ACOT7: variants seen among roughly 807,000 people sequenced by gnomAD.
The protein encoded by ACOT7 is acyl-CoA thioesterase 7.
A neutral mutation model predicts 40.2 loss-of-function variants in ACOT7; 12 were observed. The observed-to-expected ratio is 0.30, with a 90% confidence interval of 0.19 to 0.48. ACOT7 has a LOEUF of 0.48. ACOT7 is among the 20% of genes least tolerant of loss of function. The pLI is 0.99. For missense variants in ACOT7, 395 were observed against 530.8 expected, an observed-to-expected ratio of 0.74 and a Z score of 2.51; for synonymous variants, 228 against 219.5, an observed-to-expected ratio of 1.04 and a Z score of -0.34.
intron 1 of ACOT7, among the ~76,000 whole-genome samples, chr1:6,377,811 C>T (rs1476286541): frequency 2.0e-5 from 3 of 152,282 alleles, no homozygotes; most frequent in East Asian, 1.9e-4. Context: ...TGGCTCACGC[C>T]TGTAATCCCA....
At chr1:6,341,341 C>G (rs1007356483) in intron 2 of ACOT7, among the ~76,000 whole-genome samples, 23 of 151,998 alleles carry the variant, frequency 1.5e-4, no homozygotes, top group Non-Finnish European at 5.9e-5. Context: ...GGGGTTTTAC[C>G]ATGTTGGCCT....
At chr1:6,336,534 C>T (rs1281364255) in intron 3 of ACOT7, among the ~76,000 whole-genome samples, 3 of 152,142 alleles carry the variant, frequency 2.0e-5, no homozygotes, top group Non-Finnish European at 4.4e-5. Context: ...ACAGGCAGCA[C>T]AGCCCAGGTA....
At chr1:6,329,831 C>T (rs1640906761) in intron 4 of ACOT7, among the ~76,000 whole-genome samples, 1 of 152,210 alleles carries the variant, frequency 6.6e-6, no homozygotes, top group South Asian at 2.1e-4. Context: ...AAAGCATCCA[C>T]CCCCGACAGC....
chr1:6,393,013 G>A (rs1642559290), intron 1 of ACOT7, among the ~76,000 whole-genome samples: 1 of 151,938 alleles, frequency 6.6e-6, no homozygotes, highest in African/African-American at 2.4e-5. Context: ...TGGCGCGGCC[G>A]CCGCCCTGGA....
chr1:6,331,874 A>C (rs1350517480), intron 4 of ACOT7, among the ~76,000 whole-genome samples: 2 of 152,200 alleles, frequency 1.3e-5, no homozygotes, highest in African/African-American at 4.8e-5. Context: ...CTGGTCAGAC[A>C]CGGAGCTGGG....
In ACOT7 at chr1:6,393,243, G is replaced by C. The variant is rs373573341; in HGVS notation, c.143+14C>G. 7.8e-7 allele frequency: 1 copy of C among 1,275,888 alleles called. No individual in the cohort carries two copies. The highest frequency in any genetic ancestry group is 9.9e-7 in the Non-Finnish European group (1 of 1,010,234). The allele number at this position is 1,275,888 out of a possible 1,614,324, so 79.0% of individuals were successfully genotyped here. A position where few individuals can be genotyped will look rare whatever the true frequency, so the allele number is the denominator to read the frequency against. ...CGCCTGGCCGCTGCAGGCTGCGCGC[G>C]GGCCCTCTCTTACCGGCAGATCTGG... On this transcript the variant is annotated intron_variant, in intron 1 of 8. Transcript: ENST00000361521.
Position 6,347,585 on chromosome 1 carries a change from T to C in ACOT7, c.261+2164A>G, listed in dbSNP as rs144098128. Among the ~76,000 whole-genome samples, 358 of 152,224 alleles carry C rather than the reference T, an allele frequency of 2.4e-3. 10 individuals carry two copies. The East Asian group carries it at 0.054, about 23-fold the overall frequency. ...TTCGAGATCAGCCTGGCCAACACGG[T>C]GAAACCCCATCTCTACTAAAAATAC... On this transcript the variant is annotated intron_variant, in intron 2 of 8. Coordinates refer to ENST00000361521, the MANE Select transcript of ACOT7 (RefSeq NM_007274.4).
chr1:6,323,962 C>A (rs955304817), intron 5 of ACOT7, among the ~76,000 whole-genome samples: 1 of 151,780 alleles, frequency 6.6e-6, no homozygotes, highest in Admixed American at 6.6e-5. Context: ...ATGGCCTCTC[C>A]AGGGCAGAGA....
chr1:6,320,912 C>T (rs1640626215), intron 5 of ACOT7, among the ~76,000 whole-genome samples: 1 of 152,226 alleles, frequency 6.6e-6, no homozygotes, highest in Non-Finnish European at 1.5e-5. Context: ...TTCCTGCAGC[C>T]AATGAACTAA....
intron 1 of ACOT7, among the ~76,000 whole-genome samples, chr1:6,362,291 C>T (rs1170310005): frequency 6.6e-6 from 1 of 152,074 alleles, no homozygotes; most frequent in East Asian, 1.9e-4. Context: ...ATTAGCCGGG[C>T]ATGGTGGTGG....
At chr1:6,333,061 G>A (rs77561556) in intron 4 of ACOT7, among the ~76,000 whole-genome samples, 22,847 of 152,160 alleles carry the variant, frequency 0.15, 1,767 homozygotes, top group African/African-American at 0.19. Context: ...CCGCAGCCTG[G>A]TGGTCCTGGC....
At chr1:6,386,260 A>T (rs983192326) in intron 1 of ACOT7, among the ~76,000 whole-genome samples, 1 of 151,976 alleles carries the variant, frequency 6.6e-6, no homozygotes, top group Non-Finnish European at 1.5e-5. Flanking sequence ...TCCTGGGCCT[A>T]CCCCTCCCTG....
In ACOT7 at chr1:6,330,645, C is replaced by A. The variant is rs959177129; in HGVS notation, c.510+2832G>T. ...GGGAGGGAGGGAGCTAATTACTGGG[C>A]AAGGAGAGGCGAGGCTAACAGGGGC... On this transcript the variant is annotated intron_variant, in intron 4 of 8. Coordinates refer to ENST00000361521, the MANE Select transcript of ACOT7 (RefSeq NM_007274.4). The surrounding 1 kb of genome is among the most constrained non-coding windows in gnomAD (Gnocchi z 4.6). Among the ~76,000 whole-genome samples, 1 of 152,144 alleles carries A rather than the reference C, an allele frequency of 6.6e-6. No individual in the cohort carries two copies. The highest frequency in any genetic ancestry group is 1.5e-5 in the Non-Finnish European group (1 of 68,034).
intron 3 of ACOT7, among the ~76,000 whole-genome samples, chr1:6,334,237 A>T (rs2148439068): frequency 6.6e-6 from 1 of 152,324 alleles, no homozygotes; most frequent in Admixed American, 6.5e-5. Context: ...CTGACATCGA[A>T]CGTCAAAATC....
intron 1 of ACOT7, among the ~76,000 whole-genome samples, chr1:6,381,295 G>T (rs1283770427): frequency 6.6e-6 from 1 of 150,854 alleles, no homozygotes; most frequent in Non-Finnish European, 1.5e-5. Context: ...TCAAGTATAT[G>T]AATAAATATA....
At chr1:6,375,937 CAAA>C (rs112245593) in intron 1 of ACOT7, among the ~76,000 whole-genome samples, 10 of 127,354 alleles carry the variant, frequency 7.9e-5, no homozygotes, top group Admixed American at 8.4e-5. Context: ...GACTCCACCT[CAAA>C]AAAAAAAAAA....
At chr1:6,361,551 C>A (rs777373027) in intron 1 of ACOT7, among the ~76,000 whole-genome samples, 3 of 152,204 alleles carry the variant, frequency 2.0e-5, no homozygotes, top group Non-Finnish European at 4.4e-5. Flanking sequence ...GTAATCCCAG[C>A]CCCTTGGGAG....
chr1:6,319,729 C>T (rs1640591655), intron 5 of ACOT7, among the ~76,000 whole-genome samples: 2 of 152,258 alleles, frequency 1.3e-5, no homozygotes, highest in Admixed American at 1.3e-4. Flanking sequence ...ACAGTGTTCA[C>T]TTCCAAGCCT....
intron 8 of ACOT7, among the ~76,000 whole-genome samples, chr1:6,272,931 C>G (rs1043383390): frequency 1.1e-4 from 16 of 152,362 alleles, no homozygotes; most frequent in African/African-American, 2.6e-4. Context: ...AGTGCTCACT[C>G]TGTCCGTGTC....
Sources: gnomAD v4.1 joint callset for allele counts (sites outside exome capture counted in the v4.1 genomes callset) on GRCh38, gnomAD v4.1.1 for gene constraint, Gnocchi (gnomAD v3.1) non-coding constraint, MANE v1.5 for transcripts, NCBI Gene and HGNC (gene_info 2026-07-23, HGNC 2026-07-21) for gene names.